SETD9: variants seen among roughly 807,000 people sequenced by gnomAD.
SETD9 encodes the protein SET domain-containing protein 9.
Under a neutral mutation model 36.4 loss-of-function variants are expected in SETD9, and 37 were observed. That is an observed-to-expected ratio of 1.02 (90% confidence interval 0.78 to 1.34). The LOEUF (loss-of-function observed/expected upper bound fraction) is 1.34. SETD9 is among the 40% of genes most tolerant of loss of function. SETD9 has a pLI of 0.00. For missense variants in SETD9, 323 were observed against 353.2 expected, an observed-to-expected ratio of 0.91 and a Z score of 0.69; for synonymous variants, 128 against 132.9, an observed-to-expected ratio of 0.96 and a Z score of 0.26.
downstream of SETD9, among the ~76,000 whole-genome samples, chr5:56,927,432 G>A (rs888794834): frequency 3.3e-5 from 5 of 152,092 alleles, no homozygotes; most frequent in Non-Finnish European, 7.4e-5. Context: ...TTTTATAAAA[G>A]CATAAAATAC....
downstream of SETD9, chr5:56,921,277 T>A (rs1336312661): frequency 1.3e-5 from 2 of 152,532 alleles, no homozygotes; most frequent in Non-Finnish European, 2.9e-5. Flanking sequence ...GAAAGTGTAC[T>A]GATTTTTAAT....
chr5:56,921,972 A>T (rs528607230), downstream of SETD9: 2 of 152,770 alleles, frequency 1.3e-5, no homozygotes. Flanking sequence ...ATACATCTGA[A>T]CATCTATCAA....
chr5:56,912,758 T>A (rs1314353687), intron 2 of SETD9, among the ~76,000 whole-genome samples: 1 of 152,208 alleles, frequency 6.6e-6, no homozygotes, highest in Admixed American at 6.5e-5. Flanking sequence ...TATAAATGTG[T>A]ATATGTATAT....
At chr5:56,910,539 CAG>C (rs1277291176) in intron 1 of SETD9, 7 of 525,380 alleles carry the variant, frequency 1.3e-5, no homozygotes, top group Admixed American at 3.9e-5. Context: ...GCTAGGGAAA[CAG>C]GAGATCAGTT....
At chr5:56,928,541 C>A, downstream of SETD9, 1 of 335,760 alleles carries the variant, frequency 3.0e-6, no homozygotes, top group Non-Finnish European at 5.4e-6. Context: ...AGTGAGTCCA[C>A]TTTCTGTGTC....
At chr5:56,910,096 T>A in intron 1 of SETD9, 2 of 1,249,054 alleles carry the variant, frequency 1.6e-6, no homozygotes, top group Non-Finnish European at 2.0e-6. Flanking sequence ...TGTCGCCTGT[T>A]CTTCCCTGTT....
At chr5:56,913,649 A>G (rs978396738) in intron 3 of SETD9, among the ~76,000 whole-genome samples, 1 of 151,662 alleles carries the variant, frequency 6.6e-6, no homozygotes, top group Non-Finnish European at 1.5e-5. Context: ...CTCCCAAAGT[A>G]TTGGGATTAC....
chr5:56,921,629 T>C (rs540222752), downstream of SETD9: 3 of 152,720 alleles, frequency 2.0e-5, no homozygotes, highest in African/African-American at 7.2e-5. Flanking sequence ...ATACCCTCCC[T>C]TTCAATCACT....
At chr5:56,911,023 A>G in intron 1 of SETD9, 146 bp from the exon 2 acceptor site, 1 of 910,996 alleles carries the variant, frequency 1.1e-6, no homozygotes, top group South Asian at 2.3e-5. Context: ...TCCCTCAAAC[A>G]ATTCTTTTCT....
downstream of SETD9, chr5:56,928,512 G>T (rs252894): frequency 0.51 from 141,650 of 277,178 alleles, 41,692 homozygotes; most frequent in Non-Finnish European, 0.64. Flanking sequence ...AAATGAGAGT[G>T]AGACTTCCTA....
At chr5:56,922,534 T>C (rs1321510330) in intron 5 of SETD9, 1 of 153,366 alleles carries the variant, frequency 6.5e-6, no homozygotes, top group East Asian at 1.9e-4. Flanking sequence ...GTGCTCTAGT[T>C]GAATAACATG....
chr5:56,924,738 C>A (rs1442605494), intron 5 of SETD9, among the ~76,000 whole-genome samples: 1 of 152,202 alleles, frequency 6.6e-6, no homozygotes, highest in Admixed American at 6.5e-5. Context: ...TAACCACATA[C>A]AGCCACAGAT....
intron 5 of SETD9, chr5:56,923,529 C>T: frequency 6.2e-7 from 1 of 1,614,128 alleles, no homozygotes; most frequent in East Asian, 2.2e-5. Context: ...GGAAAGCTAT[C>T]ATCCAAACAA....
rs146080809 is a variant in SETD9, at chr5:56,913,063, G to A, written c.519G>A (p.Pro173=). ...TCTTTTTCCAGTCCATTGGAAATCC[G>A]TTTATTTTTAGATGCCTGGATGGGG... The part of the protein sequence containing the change: ...EPIFFQSIGN[P]FIFRCLDGVL... The change falls in exon 3 of 6, where the codon CCG becomes CCA. Residue 173 remains proline (P), a synonymous_variant. Coordinates refer to ENST00000285947, the MANE Select transcript of SETD9 (RefSeq NM_153706.4). 4.5e-5 allele frequency: 73 copies of A among 1,613,882 alleles called. No individual in the cohort carries two copies. Among genetic ancestry groups the A allele is most frequent in the Non-Finnish European group, 5.3e-5 (63 of 1,179,862 alleles).
At chr5:56,909,364 C>G (rs1382339687), upstream of SETD9, 3 of 342,774 alleles carry the variant, frequency 8.8e-6, no homozygotes, top group East Asian at 5.4e-5. Context: ...CCAGGGCTAG[C>G]GCTTGTGTGC....
In SETD9 at chr5:56,923,556, C is replaced by T. The variant is rs760623869; in HGVS notation, c.813-1777C>T. The T allele has an allele frequency of 2.2e-5, 36 of 1,613,790 alleles. No homozygotes were observed. Among genetic ancestry groups the T allele is most frequent in the Middle Eastern group, 3.3e-4 (2 of 6,082 alleles). ...TCCAAACAATTCACATCTGTGGGGT[C>T]GCAGACGGTTGCTACACTGTTGGTC... On this transcript the variant is annotated intron_variant, in intron 5 of 5. Transcript: ENST00000628593.
upstream of SETD9, chr5:56,909,415 G>T (rs114911414): frequency 5.6e-3 from 2,381 of 428,504 alleles, 50 homozygotes; most frequent in African/African-American, 0.043. Flanking sequence ...AGAAAAAGTG[G>T]TCAAGGGGAC....
At chr5:56,918,050 A>G (rs561295685), downstream of SETD9, among the ~76,000 whole-genome samples, 2 of 152,088 alleles carry the variant, frequency 1.3e-5, 1 homozygote, top group South Asian at 4.2e-4. Context: ...AGAACATATC[A>G]CCAAGTGTGA....
Position 56,913,896 on chromosome 5 carries a change from C to T in SETD9, c.613C>T (p.Leu205Phe). 6.2e-7 allele frequency: 1 copy of T among 1,612,970 alleles called. No homozygotes were observed. The highest frequency in any genetic ancestry group is 1.3e-5 in the African/African-American group (1 of 74,892). ...VYRSCNGRDR[L>F]GPLKMSDSTW... ...CAGATCTTGCAATGGGAGGGATCGACTCGGCCCTTTAAAAATGAGTGATAG... is the reference window on the plus strand; with the variant it reads ...CAGATCTTGCAATGGGAGGGATCGATTCGGCCCTTTAAAAATGAGTGATAG... Residue 205 changes from leucine to phenylalanine, a missense_variant, in exon 4 of 6, where the codon CTC becomes TTC. By Grantham distance (22) the Leu-to-Phe change is conservative. Transcript: ENST00000285947.
Sources: allele counts gnomAD v4.1 joint callset (sites outside exome capture counted in the v4.1 genomes callset), GRCh38; gene constraint gnomAD v4.1.1; transcripts MANE v1.5; gene names NCBI Gene and HGNC (gene_info 2026-07-23, HGNC 2026-07-21).